The following CCDC60 variants were observed in gnomAD, a reference collection of about 807,000 sequenced individuals.
CCDC60 encodes the protein coiled-coil domain containing 60.
In CCDC60, 54 loss-of-function variants were observed where a neutral mutation model predicts 63.5. That is an observed-to-expected ratio of 0.85 (90% CI 0.68 to 1.07). CCDC60 has a LOEUF of 1.07. CCDC60 is among the 50% of genes least tolerant of loss of function. The pLI is 0.00. For synonymous variants in CCDC60, 206 were observed against 238.8 expected (o/e 0.86, Z 1.27); for missense variants, 651 against 684.3 (o/e 0.95, Z 0.54).
intron 1 of CCDC60, among the ~76,000 whole-genome samples, chr12:119,388,498 A>T (rs939352398): frequency 2.0e-5 from 3 of 152,190 alleles, no homozygotes; most frequent in African/African-American, 7.2e-5. Flanking sequence ...CAAAGAGGAC[A>T]TGTTGTTGTT....
chr12:119,339,583 T>C (rs772258417), intron 1 of CCDC60, among the ~76,000 whole-genome samples: 3 of 152,144 alleles, frequency 2.0e-5, no homozygotes, highest in Admixed American at 6.5e-5. Flanking sequence ...GCCCAGGAGT[T>C]TGAGACAAGC....
rs536638026 is a variant in CCDC60, at chr12:119,519,853, A to T, written c.969-268A>T. On this transcript the variant is annotated intron_variant, in intron 8 of 13. Transcript: ENST00000327554. ...GGGGAATTTTAGGAGAGAGAGAGAG[A>T]GAGTGTGTGTGTGTGTGTGTGTGTA... Among the ~76,000 whole-genome samples the T allele has an allele frequency of 3.0e-3, 408 of 135,218 alleles. 1 individual carries two copies. Among genetic ancestry groups the T allele is most frequent in the African/African-American group, 9.3e-3 (321 of 34,422 alleles). 88.7% of individuals were successfully genotyped at this position (135,218 alleles called of 152,430 possible). A position where few individuals can be genotyped will look rare whatever the true frequency, so the allele number is the denominator to read the frequency against.
intron 2 of CCDC60, among the ~76,000 whole-genome samples, chr12:119,452,800 T>C (rs1484964154): frequency 6.6e-6 from 1 of 150,790 alleles, no homozygotes; most frequent in Non-Finnish European, 1.5e-5. Context: ...AGAGTTAGAG[T>C]TAGAATTTGG....
chr12:119,490,833 C>T (rs973914065), intron 5 of CCDC60, among the ~76,000 whole-genome samples: 5 of 152,168 alleles, frequency 3.3e-5, no homozygotes, highest in African/African-American at 1.2e-4. Context: ...CCTGCCTCAG[C>T]ATCCCAAGTA....
chr12:119,425,455 A>T (rs1004388235), intron 1 of CCDC60, among the ~76,000 whole-genome samples: 3 of 152,136 alleles, frequency 2.0e-5, no homozygotes, highest in African/African-American at 7.2e-5. Context: ...CTGTTTTGCC[A>T]CTCCCAAGAG....
At chr12:119,406,624 G>T (rs1956497136) in intron 1 of CCDC60, among the ~76,000 whole-genome samples, 1 of 151,754 alleles carries the variant, frequency 6.6e-6, no homozygotes, top group Admixed American at 6.6e-5. Context: ...GCTTAAATCA[G>T]TGGTTTTGAA....
chr12:119,528,522 A>G (rs1333941621), intron 11 of CCDC60, 93 bp from the exon 12 acceptor site: 1 of 1,380,710 alleles, frequency 7.2e-7, no homozygotes, highest in Non-Finnish European at 9.9e-7. Context: ...TCATGAAGGA[A>G]AAGGTGTTTA....
At chr12:119,439,067 G>A (rs1950382570) in intron 2 of CCDC60, among the ~76,000 whole-genome samples, 1 of 135,320 alleles carries the variant, frequency 7.4e-6, no homozygotes, top group African/African-American at 2.8e-5. Context: ...TGGACCATGA[G>A]AATACATGCT....
At chr12:119,430,041 T>C (rs144491390) in intron 2 of CCDC60, among the ~76,000 whole-genome samples, 1 of 152,246 alleles carries the variant, frequency 6.6e-6, no homozygotes, top group Non-Finnish European at 1.5e-5. Context: ...TGAAAAGTAA[T>C]GAAGGGATGA....
At position 119,456,147 on chromosome 12, in the gene CCDC60, A is replaced by G. The variant is rs1950746034; in HGVS notation, c.171-15847A>G. On this transcript the variant is annotated intron_variant, in intron 2 of 13. Coordinates refer to ENST00000327554, the MANE Select transcript of CCDC60 (RefSeq NM_178499.5). This position sits in a 1 kb window ranked among gnomAD's most constrained non-coding sequence, Gnocchi z 4.6. ...TGGTTAGAGATAAATCCCAGATCTTAGAGGACATTGCTAGGAGGAGAAGGA... is the reference window on the plus strand; with the variant it reads ...TGGTTAGAGATAAATCCCAGATCTTGGAGGACATTGCTAGGAGGAGAAGGA... Among the ~76,000 whole-genome samples the G allele has an allele frequency of 6.6e-6, 1 of 152,174 alleles. No individual in the cohort carries two copies. Among genetic ancestry groups the G allele is most frequent in the Admixed American group, 6.5e-5 (1 of 15,284 alleles).
intron 1 of CCDC60, among the ~76,000 whole-genome samples, chr12:119,359,081 G>T (rs573863432): frequency 3.2e-4 from 49 of 152,196 alleles, no homozygotes; most frequent in Non-Finnish European, 6.2e-4. Context: ...ATTTCCAGTT[G>T]CTCCACATCC....
intron 2 of CCDC60, among the ~76,000 whole-genome samples, chr12:119,467,876 A>G (rs958382443): frequency 1.3e-5 from 2 of 152,246 alleles, no homozygotes; most frequent in African/African-American, 4.8e-5. Flanking sequence ...TTGCAGCTTC[A>G]GGACTCTCAC....
chr12:119,530,267 G>GTTTT (rs34807849), intron 12 of CCDC60, among the ~76,000 whole-genome samples: 51 of 144,620 alleles, frequency 3.5e-4, no homozygotes, highest in African/African-American at 1.3e-3. Context: ...GGGTGAGGGA[G>GTTTT]TTTTTTTTTT....
chr12:119,379,942 G>C (rs770703849), intron 1 of CCDC60, among the ~76,000 whole-genome samples: 41 of 152,210 alleles, frequency 2.7e-4, no homozygotes, highest in Non-Finnish European at 5.4e-4. Flanking sequence ...GTGTACAGTG[G>C]ACAATTGAAG....
chr12:119,386,107 C>A (rs1479995729), intron 1 of CCDC60, among the ~76,000 whole-genome samples: 1 of 152,094 alleles, frequency 6.6e-6, no homozygotes. Flanking sequence ...AATTATGATC[C>A]CTGAAGGCGG....
chr12:119,528,546 A>C, intron 11 of CCDC60, 69 bp from the exon 12 acceptor site: 1 of 1,517,196 alleles, frequency 6.6e-7, no homozygotes, highest in Non-Finnish European at 8.9e-7. Flanking sequence ...CAGATCTCAA[A>C]GGGCAGCTAA....
chr12:119,439,951 C>T (rs1950408044), intron 2 of CCDC60, among the ~76,000 whole-genome samples: 1 of 151,666 alleles, frequency 6.6e-6, no homozygotes, highest in Non-Finnish European at 1.5e-5. Context: ...TCATTCTCAG[C>T]AAACACAGGA....
intron 1 of CCDC60, among the ~76,000 whole-genome samples, chr12:119,379,399 C>A (rs563414581): frequency 1.7e-4 from 26 of 152,296 alleles, no homozygotes; most frequent in African/African-American, 5.5e-4. Context: ...CCATGGGCAG[C>A]CTTACTGCCA....
chr12:119,405,093 G>C (rs982135035), intron 1 of CCDC60, among the ~76,000 whole-genome samples: 2 of 152,118 alleles, frequency 1.3e-5, no homozygotes, highest in Non-Finnish European at 2.9e-5. Flanking sequence ...AAAATAATAA[G>C]CAAGTTCAGC....
Sources: gnomAD v4.1 joint callset for allele counts (sites outside exome capture counted in the v4.1 genomes callset) on GRCh38, gnomAD v4.1.1 for gene constraint, Gnocchi (gnomAD v3.1) non-coding constraint, MANE v1.5 for transcripts, NCBI Gene and HGNC (gene_info 2026-07-23, HGNC 2026-07-21) for gene names.